KCNH5: variants seen among roughly 807,000 people sequenced by gnomAD.
The protein encoded by KCNH5 is voltage-gated delayed rectifier potassium channel KCNH5.
Under a neutral mutation model 96.1 loss-of-function variants are expected in KCNH5, and 46 were observed. That is an observed-to-expected ratio of 0.48 (90% CI 0.38 to 0.61). The LOEUF (loss-of-function observed/expected upper bound fraction) is 0.61. KCNH5 is among the 20% of genes least tolerant of loss of function. The probability of loss-of-function intolerance (pLI) is 0.00; values close to 1 mark genes in which losing one functional copy is unlikely to be tolerated. For synonymous variants in KCNH5, 439 were observed against 449.8 expected (o/e 0.98, Z 0.30); for missense variants, 907 against 1,225.8 (o/e 0.74, Z 3.88).
intron 6 of KCNH5, among the ~76,000 whole-genome samples, chr14:62,963,134 G>A (rs1237808614): frequency 6.6e-6 from 1 of 152,120 alleles, no homozygotes; most frequent in Non-Finnish European, 1.5e-5. Context: ...ACAATGAGAT[G>A]TTTTGGAAGA....
intron 8 of KCNH5, among the ~76,000 whole-genome samples, chr14:62,827,795 TTTTG>T (rs201507018): frequency 0.028 from 4,269 of 152,220 alleles, 88 homozygotes; most frequent in South Asian, 0.056. Flanking sequence ...AGCTTTGGGT[TTTTG>T]TTTGTTTGTT....
chr14:62,932,614 T>G (rs764134851), intron 7 of KCNH5, among the ~76,000 whole-genome samples: 1 of 151,614 alleles, frequency 6.6e-6, no homozygotes, highest in Non-Finnish European at 1.5e-5. Flanking sequence ...TAGTGAAAAA[T>G]AGGCATTTCC....
chr14:63,035,026 A>G (rs1891696940), intron 1 of KCNH5, among the ~76,000 whole-genome samples: 1 of 152,210 alleles, frequency 6.6e-6, no homozygotes. Context: ...TCACCCTGAT[A>G]TAATGATAAC....
rs55773432 is a variant in KCNH5 at position 62,842,466 on chromosome 14, T to C, written c.1569+7187A>G. On this transcript the variant is annotated intron_variant, in intron 8 of 10. Coordinates refer to ENST00000322893, the MANE Select transcript of KCNH5 (RefSeq NM_139318.5). ...GTAACAACTGAGAAACACATGTAGA[T>C]GTAACAATAGTTAAGTTCTCTGATT... is the stretch of plus-strand genomic sequence containing the variant. Among the ~76,000 whole-genome samples the C allele has an allele frequency of 8.2e-3, 1,252 of 152,386 alleles. 9 individuals carry two copies. Among genetic ancestry groups the C allele is most frequent in the South Asian group, 0.028 (134 of 4,834 alleles).
At chr14:62,976,440 T>C (rs1476065620) in intron 6 of KCNH5, among the ~76,000 whole-genome samples, 1 of 147,712 alleles carries the variant, frequency 6.8e-6, no homozygotes. Context: ...ACTGGTCTCA[T>C]AGGTACAGTA....
chr14:62,816,415 C>G (rs983624461), intron 8 of KCNH5, among the ~76,000 whole-genome samples: 5 of 152,020 alleles, frequency 3.3e-5, no homozygotes, highest in Non-Finnish European at 4.4e-5. Context: ...CAAGCTCTTC[C>G]TTTCACTCTC....
chr14:63,008,286 C>T lies in KCNH5; in HGVS notation c.198-1814G>A, dbSNP rs181871177. Among the ~76,000 whole-genome samples the T allele has an allele frequency of 3.9e-5, 6 of 152,038 alleles. No homozygotes were observed. In the East Asian group the frequency reaches 9.7e-4, roughly 24 times the overall value. ...TAAAACAAGATTACAAACAGAGCCT[C>T]GAAAGACATCCACTCAAATGAGGGC... On this transcript the variant is annotated intron_variant, in intron 2 of 10. Coordinates refer to ENST00000322893, the MANE Select transcript of KCNH5 (RefSeq NM_139318.5).
intron 10 of KCNH5, among the ~76,000 whole-genome samples, chr14:62,739,438 C>T (rs999226500): frequency 2.7e-5 from 4 of 150,478 alleles, no homozygotes; most frequent in Admixed American, 6.6e-5. Flanking sequence ...GCTATTTATG[C>T]GAGAAATTTT....
intron 7 of KCNH5, among the ~76,000 whole-genome samples, chr14:62,865,329 T>C (rs908052392): frequency 5.6e-5 from 6 of 107,152 alleles, no homozygotes; most frequent in African/African-American, 2.1e-4. Flanking sequence ...GGTAAAATGC[T>C]ATTTAAAAAA....
At chr14:63,006,803 C>T (rs908739381) in intron 2 of KCNH5, among the ~76,000 whole-genome samples, 1 of 152,154 alleles carries the variant, frequency 6.6e-6, no homozygotes, top group African/African-American at 2.4e-5. Flanking sequence ...ATAACAGATG[C>T]ACCTTCACAA....
intron 2 of KCNH5, among the ~76,000 whole-genome samples, chr14:63,016,162 C>T (rs1891323117): frequency 6.6e-6 from 1 of 151,652 alleles, no homozygotes; most frequent in Admixed American, 6.6e-5. Context: ...AAAAAACATC[C>T]CATCTGGCCT....
At chr14:62,918,556 A>G (rs920154721) in intron 7 of KCNH5, among the ~76,000 whole-genome samples, 1 of 152,218 alleles carries the variant, frequency 6.6e-6, no homozygotes, top group Non-Finnish European at 1.5e-5. Context: ...CATACTAATA[A>G]AAACAATGGA....
intron 10 of KCNH5, among the ~76,000 whole-genome samples, chr14:62,763,957 A>G (rs2139958757): frequency 6.6e-6 from 1 of 152,320 alleles, no homozygotes; most frequent in East Asian, 1.9e-4. Context: ...CCAGACATAT[A>G]AAGAAAAGCT....
chr14:62,896,978 T>G (rs1888826481), intron 7 of KCNH5, among the ~76,000 whole-genome samples: 1 of 152,202 alleles, frequency 6.6e-6, no homozygotes, highest in Non-Finnish European at 1.5e-5. Flanking sequence ...ACAAGCAGCC[T>G]GCCTCTCTTT....
intron 10 of KCNH5, among the ~76,000 whole-genome samples, chr14:62,753,176 CAG>C (rs1192912922): frequency 6.6e-6 from 1 of 152,070 alleles, no homozygotes; most frequent in Non-Finnish European, 1.5e-5. Flanking sequence ...AAGAATCAAA[CAG>C]AAATTCTGGT....
At chr14:62,846,541 G>A (rs893215734) in intron 8 of KCNH5, among the ~76,000 whole-genome samples, 2 of 151,304 alleles carry the variant, frequency 1.3e-5, no homozygotes, top group Non-Finnish European at 2.9e-5. Flanking sequence ...CAGTTTTTCT[G>A]ATATTTATGT....
intron 7 of KCNH5, among the ~76,000 whole-genome samples, chr14:62,890,162 T>G (rs559142742): frequency 6.6e-6 from 1 of 152,198 alleles, no homozygotes; most frequent in South Asian, 2.1e-4. Context: ...ATCCTGGACG[T>G]AGGAATGGGC....
At chr14:62,986,230 C>T (rs1197778310) in intron 5 of KCNH5, among the ~76,000 whole-genome samples, 1 of 152,148 alleles carries the variant, frequency 6.6e-6, no homozygotes, top group Non-Finnish European at 1.5e-5. Flanking sequence ...CTGGTAAAAA[C>T]TATGGACCTC....
At chr14:62,907,726 C>G (rs1327629098) in intron 7 of KCNH5, among the ~76,000 whole-genome samples, 2 of 152,186 alleles carry the variant, frequency 1.3e-5, no homozygotes, top group African/African-American at 4.8e-5. Flanking sequence ...CCTGTGCACT[C>G]ATGGCCTTTC....
Sources: gnomAD v4.1 joint callset for allele counts (sites outside exome capture counted in the v4.1 genomes callset) on GRCh38, gnomAD v4.1.1 for gene constraint, MANE v1.5 for transcripts, NCBI Gene and HGNC (gene_info 2026-07-23, HGNC 2026-07-21) for gene names.